The following DZIP3 variants were observed in gnomAD, a reference collection of about 807,000 sequenced individuals.
The protein encoded by DZIP3 is E3 ubiquitin-protein ligase DZIP3.
DZIP3 carries 118 observed loss-of-function variants against 162.0 expected under a neutral mutation model. The ratio of observed to expected loss-of-function variants is 0.73; its 90% CI spans 0.63 to 0.85. The LOEUF (loss-of-function observed/expected upper bound fraction) is 0.85, where lower values mean the gene tolerates loss of function less well. Among genes scored for constraint, DZIP3 ranks in the 40% least tolerant of loss-of-function variants. DZIP3 has a pLI of 0.00. For missense variants in DZIP3, 1,331 were observed against 1,407.0 expected, an observed-to-expected ratio of 0.95 and a Z score of 0.86; for synonymous variants, 438 against 458.6, an observed-to-expected ratio of 0.96 and a Z score of 0.57.
At chr3:108,672,732 G>C in intron 23 of DZIP3, 76 bp downstream of exon 23, 1 of 1,118,936 alleles carries the variant, frequency 8.9e-7, no homozygotes, top group Non-Finnish European at 1.3e-6. Context: ...TAAAGAATTT[G>C]TAAAAGATTG....
chr3:108,634,942 G>T lies in DZIP3; in HGVS notation c.888G>T (p.Lys296Asn), dbSNP rs1391719670. 6.2e-7 allele frequency: 1 copy of T among 1,608,084 alleles called. No homozygotes were observed. Among genetic ancestry groups the T allele is most frequent in the East Asian group, 2.2e-5 (1 of 44,534 alleles). The change falls in exon 10 of 33, where the codon AAG becomes AAT. Residue 296 changes from lysine to asparagine, a missense_variant. Lys to Asn is a moderately conservative substitution (Grantham distance 94). Coordinates refer to ENST00000361582, the MANE Select transcript of DZIP3 (RefSeq NM_014648.4). ...YFHKICWKKF[K>N]NLKYPGENDQ... ...ATAAAATTTGCTGGAAAAAGTTCAA[G>T]AATTTAAAGTATCCAGGTGAAAATG...
At position 108,693,391 on chromosome 3, in the gene DZIP3, G is replaced by A. The variant is rs1944774516; in HGVS notation, c.*38G>A. ...ATGAAGAGATTATGAACTACTTGAA[G>A]GTGGAGACTGTACGGTGGTGTGTTG... On this transcript the variant is annotated 3_prime_UTR_variant, in exon 33 of 33. Transcript: ENST00000361582. 1 of 152,118 alleles carries A rather than the reference G, an allele frequency of 6.6e-6. No homozygotes were observed. Among genetic ancestry groups the A allele is most frequent in the South Asian group, 2.1e-4 (1 of 4,820 alleles). The allele number at this position is 152,118 out of a possible 1,614,324, so 9.4% of individuals were successfully genotyped here.
chr3:108,655,673 C>T (rs764604357), intron 19 of DZIP3, among the ~76,000 whole-genome samples: 13 of 152,062 alleles, frequency 8.5e-5, no homozygotes, highest in Admixed American at 2.6e-4. Flanking sequence ...TGCGGCGCAC[C>T]GAGTGTGAGC....
chr3:108,622,183 G>A (rs1448875865), intron 5 of DZIP3, among the ~76,000 whole-genome samples: 1 of 152,150 alleles, frequency 6.6e-6, no homozygotes, highest in Non-Finnish European at 1.5e-5. Context: ...ATTAAAACAA[G>A]TGAACTCAAA....
At chr3:108,612,566 A>G (rs1347097370) in intron 4 of DZIP3, among the ~76,000 whole-genome samples, 1 of 152,190 alleles carries the variant, frequency 6.6e-6, no homozygotes, top group Non-Finnish European at 1.5e-5. Context: ...GGTTAATTCC[A>G]GGACACCCCC....
chr3:108,633,618 C>T (rs1472949961), intron 9 of DZIP3, among the ~76,000 whole-genome samples: 1 of 150,488 alleles, frequency 6.6e-6, no homozygotes, highest in African/African-American at 2.4e-5. Context: ...ATCTCTCTCT[C>T]TGGATCTATC....
At chr3:108,692,614 G>C (rs910176314) in intron 32 of DZIP3, among the ~76,000 whole-genome samples, 3 of 152,056 alleles carry the variant, frequency 2.0e-5, no homozygotes, top group African/African-American at 4.8e-5. Flanking sequence ...AACAGTAAAA[G>C]TTTCCCATGT....
At chr3:108,671,432 G>A (rs940187061) in intron 22 of DZIP3, among the ~76,000 whole-genome samples, 11 of 151,782 alleles carry the variant, frequency 7.2e-5, no homozygotes, top group African/African-American at 2.7e-4. Flanking sequence ...TATGCTTATA[G>A]AATTCTGGGA....
chr3:108,634,807 A>AT (rs1175775224), intron 9 of DZIP3, 64 bp from the exon 10 acceptor site: 25 of 900,958 alleles, frequency 2.8e-5, no homozygotes, highest in South Asian at 1.5e-4. Flanking sequence ...TGACAATATA[A>AT]TTTTTTTTAT....
chr3:108,646,547 T>C, intron 14 of DZIP3, 70 bp from the exon 15 acceptor site: 1 of 1,108,916 alleles, frequency 9.0e-7, no homozygotes, highest in South Asian at 1.3e-5. Context: ...TATTCTGCCT[T>C]AATCCTAGCC....
chr3:108,673,427 T>G lies in DZIP3; in HGVS notation c.2590-651T>G, dbSNP rs555701385. 1.8e-3 allele frequency among the ~76,000 whole-genome samples: 281 copies of G among 152,068 alleles called. 1 individual carries two copies. Among genetic ancestry groups the G allele is most frequent in the Non-Finnish European group, 2.1e-3 (140 of 67,924 alleles). On this transcript the variant is annotated intron_variant, in intron 23 of 32. Transcript: ENST00000361582. ...TGTATAGAGTGTTTTTTATTGTTTT[T>G]AATCAGTAAATTTCTTTGTGCTTCT...
At chr3:108,674,282 C>T (rs946491577) in intron 24 of DZIP3, 101 bp downstream of exon 24, 14 of 978,630 alleles carry the variant, frequency 1.4e-5, no homozygotes, top group African/African-American at 3.3e-5. Flanking sequence ...TATGTGACAT[C>T]AGAGTTCTTA....
At chr3:108,690,107 C>G (rs913829934) in intron 31 of DZIP3, among the ~76,000 whole-genome samples, 6 of 152,170 alleles carry the variant, frequency 3.9e-5, no homozygotes, top group South Asian at 2.1e-4. Flanking sequence ...AAAACTTATC[C>G]TACTCTTTGC....
chr3:108,654,127 A>T lies in DZIP3; in HGVS notation c.2034-18A>T. The T allele has an allele frequency of 6.2e-7, 1 of 1,610,492 alleles. No homozygotes were observed. Among genetic ancestry groups the T allele is most frequent in the Non-Finnish European group, 8.5e-7 (1 of 1,178,406 alleles). On this transcript the variant is annotated intron_variant, in intron 18 of 32. Coordinates refer to ENST00000361582, the MANE Select transcript of DZIP3 (RefSeq NM_014648.4). Reference sequence around the variant, plus strand: ...TATACAATTGTAAAAGCTCACATTGATTATGTCACGACTACAGCCCATATG... The same window carrying T: ...TATACAATTGTAAAAGCTCACATTGTTTATGTCACGACTACAGCCCATATG...
chr3:108,637,804 A>C (rs1356496355), intron 12 of DZIP3, among the ~76,000 whole-genome samples: 1 of 152,182 alleles, frequency 6.6e-6, no homozygotes, highest in Non-Finnish European at 1.5e-5. Context: ...CTTTAAACAA[A>C]CATATTTTTC....
At position 108,669,743 on chromosome 3, in the gene DZIP3, T is replaced by C. The variant is rs1398419204; in HGVS notation, c.2486T>C (p.Met829Thr). The C allele has an allele frequency of 1.9e-6, 3 of 1,610,422 alleles. No homozygotes were observed. Among genetic ancestry groups the C allele is most frequent in the Non-Finnish European group, 2.5e-6 (3 of 1,177,676 alleles). Reference protein sequence around the residue: ...EIKNLKEQLSMKRSQWEMEKH... With the variant: ...EIKNLKEQLSTKRSQWEMEKH... ...AAGAACCTTAAAGAGCAACTTTCTA[T>C]GAAAAGGTACAAACTTAGCTTTTTC... is the stretch of plus-strand genomic sequence containing the variant. Residue 829 changes from methionine (M) to threonine (T), a missense_variant, in exon 22 of 33, where the codon ATG becomes ACG. Around this residue, in one of 2 missense-constraint regions of DZIP3, gnomAD observed 1,278 missense variants for 1,317.1 expected, o/e 0.97. Coordinates refer to ENST00000361582, the MANE Select transcript of DZIP3 (RefSeq NM_014648.4).
intron 19 of DZIP3, 155 bp downstream of exon 19, chr3:108,654,465 G>A: frequency 1.3e-5 from 10 of 767,624 alleles, no homozygotes; most frequent in South Asian, 3.6e-5. Context: ...GATATATGAA[G>A]GAAAATAGAA....
chr3:108,686,073 TAAAAG>T (rs1258843875), intron 27 of DZIP3, among the ~76,000 whole-genome samples: 2 of 152,214 alleles, frequency 1.3e-5, no homozygotes, highest in Non-Finnish European at 2.9e-5. Context: ...TTTTCACTGT[TAAAAG>T]AGAAACAGCA....
In DZIP3 at chr3:108,661,896, C is replaced by G. The variant is rs747388956; in HGVS notation, c.2219C>G (p.Thr740Ser). The stretch of plus-strand genomic sequence containing the variant: ...CAATAGGGCTCAGCTGGCAAAGTAA[C>G]TACAGACTATGGAGAAACTGAAAAG... Reference protein sequence around the residue: ...MIEQGSAGKVTTDYGETEKER... With the variant: ...MIEQGSAGKVSTDYGETEKER... Residue 740 changes from threonine to serine, a missense_variant, in exon 20 of 33, where the codon ACT (threonine) becomes AGT (serine). By Grantham distance (58) the Thr-to-Ser change is moderately conservative (BLOSUM62 1). Transcript: ENST00000361582. The G allele has an allele frequency of 6.2e-7, 1 of 1,613,564 alleles. No individual in the cohort carries two copies.
Sources: gnomAD v4.1 joint callset for allele counts (sites outside exome capture counted in the v4.1 genomes callset) on GRCh38, gnomAD v4.1.1 for gene constraint, gnomAD v4.1.1 regional missense constraint, MANE v1.5 for transcripts, NCBI Gene and HGNC (gene_info 2026-07-23, HGNC 2026-07-21) for gene names.